The following CACNG5 variants were observed in gnomAD, a reference collection of about 807,000 sequenced individuals.
CACNG5 encodes the protein voltage-dependent calcium channel gamma-5 subunit.
CACNG5 carries 18 observed loss-of-function variants against 24.8 expected under a neutral mutation model. That is an observed-to-expected ratio of 0.73 (90% CI 0.50 to 1.08). The LOEUF (loss-of-function observed/expected upper bound fraction) is 1.08. Ranked by LOEUF, CACNG5 falls within the 50% of genes least tolerant of loss-of-function variation. CACNG5 has a pLI of 0.00. For synonymous variants in CACNG5, 157 were observed against 149.1 expected (o/e 1.05, Z -0.39); for missense variants, 349 against 367.9 (o/e 0.95, Z 0.42).
chr17:66,861,088 G>T (rs1976850493), intron 1 of CACNG5, among the ~76,000 whole-genome samples: 1 of 151,920 alleles, frequency 6.6e-6, no homozygotes, highest in Admixed American at 6.6e-5. Flanking sequence ...GATATAAAAA[G>T]CCATTGTATA....
At position 66,889,949 on chromosome 17, in the gene CACNG5, C is replaced by A. The variant is rs1977318816; in HGVS notation, c.*4709C>A. 6.6e-6 allele frequency among the ~76,000 whole-genome samples: 1 copy of A among 152,206 alleles called. No individual in the cohort carries two copies. On this transcript the variant is annotated 3_prime_UTR_variant, in exon 6 of 6. Coordinates refer to ENST00000533854, the MANE Select transcript of CACNG5 (RefSeq NM_145811.3). ...CAGCGGAGGCCGGGGGAGCCACATT[C>A]CACCTAAGGCCTGAGCAAATTGGCA...
chr17:66,880,892 C>T (rs1254762820), intron 4 of CACNG5, among the ~76,000 whole-genome samples, 195 bp downstream of exon 4: 4 of 152,168 alleles, frequency 2.6e-5, no homozygotes, highest in Non-Finnish European at 1.5e-5. Context: ...GTGCCTGCCA[C>T]CACACCTGGC....
intron 1 of CACNG5, among the ~76,000 whole-genome samples, chr17:66,843,568 G>C (rs889593511): frequency 6.6e-6 from 1 of 152,180 alleles, no homozygotes; most frequent in African/African-American, 2.4e-5. Flanking sequence ...TGCTCACATA[G>C]GGTTGGCTGA....
rs1248902647 is a variant in CACNG5 at position 66,885,169 on chromosome 17, C to A, written c.757C>A (p.Gln253Lys). Residue 253 changes from glutamine (Q) to lysine (K), a missense_variant, in exon 6 of 6, where the codon CAG becomes AAG. Coordinates refer to ENST00000533854, the MANE Select transcript of CACNG5 (RefSeq NM_145811.3). ...PSDISSEASL[Q>K]MNSNYPALLK... ...CGACATCTCCAGCGAGGCCTCCCTG[C>A]AGATGAACAGCAACTACCCCGCCTT... is the stretch of plus-strand genomic sequence containing the variant. 2 of 1,612,252 alleles carry A rather than the reference C, an allele frequency of 1.2e-6. No homozygotes were observed. The highest frequency in any genetic ancestry group is 3.3e-5 in the Admixed American group (2 of 60,012).
chr17:66,866,261 A>G (rs1976928450), intron 1 of CACNG5, among the ~76,000 whole-genome samples: 1 of 152,108 alleles, frequency 6.6e-6, no homozygotes, highest in Non-Finnish European at 1.5e-5. Context: ...TATGGATGGT[A>G]TGTGCAGTAT....
At chr17:66,873,978 A>G (rs1269767406) in intron 1 of CACNG5, among the ~76,000 whole-genome samples, 3 of 149,464 alleles carry the variant, frequency 2.0e-5, no homozygotes, top group Non-Finnish European at 1.5e-5. Context: ...CACTTTTTCT[A>G]GAATATTCCA....
At position 66,884,606 on chromosome 17, in the gene CACNG5, A is replaced by G. The variant is rs761317130; in HGVS notation, c.515A>G (p.Asn172Ser). ...NRTKDAETYF[N>S]YKYGWSFAFA... ...ACCAAGGATGCAGAGACCTACTTCA[A>G]CTACAAGTATGGGTGGTCGTTTGCC... Residue 172 changes from asparagine to serine, a missense_variant, in exon 5 of 6, where the codon AAC (asparagine) becomes AGC (serine). Coordinates refer to ENST00000533854, the MANE Select transcript of CACNG5 (RefSeq NM_145811.3). 2.5e-6 allele frequency: 4 copies of G among 1,614,114 alleles called. No individual in the cohort carries two copies. Among genetic ancestry groups the G allele is most frequent in the South Asian group, 1.1e-5 (1 of 91,068 alleles).
intron 1 of CACNG5, among the ~76,000 whole-genome samples, chr17:66,875,603 C>T (rs3760265): frequency 0.44 from 66,230 of 151,960 alleles, 14,871 homozygotes; most frequent in South Asian, 0.56. Context: ...TGGCTTCTGT[C>T]CATTTTCAGC....
chr17:66,881,128 T>C (rs1177923220), intron 4 of CACNG5, among the ~76,000 whole-genome samples: 1 of 152,148 alleles, frequency 6.6e-6, no homozygotes, highest in Non-Finnish European at 1.5e-5. Context: ...TCAGACAGAA[T>C]TGAGTCAGAG....
Position 66,887,247 on chromosome 17 carries a change from G to T in CACNG5, c.*2007G>T, listed in dbSNP as rs1325640605. On this transcript the variant is annotated 3_prime_UTR_variant, in exon 6 of 6. Transcript: ENST00000533854. ...CCACTCATTCACCACGAATCCTTGGGCAACACCCTTCCACTCTGAGGGGCT... is the reference window on the plus strand; with the variant it reads ...CCACTCATTCACCACGAATCCTTGGTCAACACCCTTCCACTCTGAGGGGCT... Among the ~76,000 whole-genome samples, 1 of 152,046 alleles carries T rather than the reference G, an allele frequency of 6.6e-6. No homozygotes were observed. Among genetic ancestry groups the T allele is most frequent in the African/African-American group, 2.4e-5 (1 of 41,392 alleles).
At chr17:66,841,894 G>T (rs923927212) in intron 1 of CACNG5, among the ~76,000 whole-genome samples, 1 of 152,140 alleles carries the variant, frequency 6.6e-6, no homozygotes, top group East Asian at 1.9e-4. Flanking sequence ...ACCTCTGAAG[G>T]TCCTCTAGCA....
Position 66,859,829 on chromosome 17 carries a change from C to T in CACNG5, c.-103-17401C>T, listed in dbSNP as rs79810235. ...GGTTACTTTCTCCCCTCTCCCTCCT[C>T]CTTCTCCTCCCCCTTCCCCTCTTCT... On this transcript the variant is annotated intron_variant, in intron 1 of 5. Transcript: ENST00000533854. 8.8e-3 allele frequency among the ~76,000 whole-genome samples: 1,336 copies of T among 152,212 alleles called. 21 individuals carry two copies. Among genetic ancestry groups the T allele is most frequent in the African/African-American group, 0.031 (1,277 of 41,520 alleles).
intron 1 of CACNG5, among the ~76,000 whole-genome samples, chr17:66,865,007 C>G (rs1369778399): frequency 6.6e-6 from 1 of 152,212 alleles, no homozygotes; most frequent in Admixed American, 6.5e-5. Context: ...AGCCATCCTG[C>G]TGCCTCAGCC....
chr17:66,863,678 T>G (rs1263525345), intron 1 of CACNG5, among the ~76,000 whole-genome samples: 1 of 152,208 alleles, frequency 6.6e-6, no homozygotes, highest in Non-Finnish European at 1.5e-5. Flanking sequence ...ACACTCACTA[T>G]TTATTGAGAT....
At chr17:66,851,441 G>A (rs1052683804) in intron 1 of CACNG5, among the ~76,000 whole-genome samples, 6 of 152,208 alleles carry the variant, frequency 3.9e-5, no homozygotes, top group Non-Finnish European at 8.8e-5. Flanking sequence ...TGAGAGCATG[G>A]TTTAACCTTG....
rs1489669478 is a variant in CACNG5 at position 66,888,928 on chromosome 17, C to T, written c.*3688C>T. 2.0e-5 allele frequency among the ~76,000 whole-genome samples: 3 copies of T among 152,034 alleles called. No individual in the cohort carries two copies. The highest frequency in any genetic ancestry group is 4.4e-5 in the Non-Finnish European group (3 of 68,010). On this transcript the variant is annotated 3_prime_UTR_variant, in exon 6 of 6. Transcript: ENST00000533854. Reference sequence around the variant, plus strand: ...GTTGACCTTAGCCATTAGGCTGATGCCCTTTGAATTTAGGTGGTTTTTGAT... The same window carrying T: ...GTTGACCTTAGCCATTAGGCTGATGTCCTTTGAATTTAGGTGGTTTTTGAT...
intron 4 of CACNG5, 49 bp downstream of exon 4, chr17:66,880,746 TG>T: frequency 6.2e-7 from 1 of 1,601,586 alleles, no homozygotes; most frequent in Non-Finnish European, 8.5e-7. Flanking sequence ...TTTTGTTTTT[TG>T]TTTTTTGTTT....
intron 4 of CACNG5, among the ~76,000 whole-genome samples, chr17:66,881,858 G>T (rs1459670930): frequency 6.6e-6 from 1 of 152,152 alleles, no homozygotes; most frequent in Non-Finnish European, 1.5e-5. Flanking sequence ...ATGAAGCACT[G>T]GGGGAACTGA....
chr17:66,871,020 T>C (rs1036738827), intron 1 of CACNG5, among the ~76,000 whole-genome samples: 1 of 152,036 alleles, frequency 6.6e-6, no homozygotes, highest in Non-Finnish European at 1.5e-5. Context: ...CTGTGTACTT[T>C]ATTTGTCAAA....
Sources: allele counts gnomAD v4.1 joint callset (sites outside exome capture counted in the v4.1 genomes callset), GRCh38; gene constraint gnomAD v4.1.1; transcripts MANE v1.5; gene names NCBI Gene and HGNC (gene_info 2026-07-23, HGNC 2026-07-21).